RAB10: variants seen among roughly 807,000 people sequenced by gnomAD.
RAB10 encodes RAB10, member RAS oncogene family.
RAB10 carries 5 observed loss-of-function variants against 25.7 expected under a neutral mutation model. The ratio of observed to expected loss-of-function variants is 0.19; its 90% CI spans 0.10 to 0.41. RAB10 has a LOEUF of 0.41. Among genes scored for constraint, RAB10 ranks in the 10% least tolerant of loss-of-function variants. The probability of loss-of-function intolerance (pLI) is 1.00; values close to 1 mark genes in which losing one functional copy is unlikely to be tolerated. For missense variants in RAB10, 103 were observed against 245.8 expected (o/e 0.42, Z 3.89); for synonymous variants, 89 against 86.4 (o/e 1.03, Z -0.16).
chr2:26,135,008 G>T lies in RAB10; in HGVS notation c.590G>T (p.Ser197Ile), dbSNP rs1303605717. 29 of 1,612,676 alleles carry T rather than the reference G, an allele frequency of 1.8e-5. No individual in the cohort carries two copies. Among genetic ancestry groups the T allele is most frequent in the Non-Finnish European group, 2.5e-5 (29 of 1,178,970 alleles). Residue 197 changes from serine (S) to isoleucine (I), a missense_variant, in exon 6 of 6, where the codon AGC becomes ATC. This residue lies in a region of RAB10 where 24 missense variants were observed against 28.0 expected (regional missense o/e 0.86). Coordinates refer to ENST00000264710, the MANE Select transcript of RAB10 (RefSeq NM_016131.5). ...SSGGGVTGWK[S>I]KCC ...GGAGGAGGCGTGACAGGCTGGAAGA[G>T]CAAATGCTGCTGAGCATTCTCCTGT...
At chr2:26,131,680 G>C (rs1054922255) in intron 5 of RAB10, among the ~76,000 whole-genome samples, 24 of 151,678 alleles carry the variant, frequency 1.6e-4, no homozygotes, top group African/African-American at 5.6e-4. Flanking sequence ...TTACTCCCCA[G>C]GTAACTGATG....
chr2:26,128,613 T>TTGAGA (rs1559600420), intron 5 of RAB10, among the ~76,000 whole-genome samples: 1 of 151,612 alleles, frequency 6.6e-6, no homozygotes, highest in Non-Finnish European at 1.5e-5. Flanking sequence ...TTAGGAAATT[T>TTGAGA]TAAGAAATGA....
intron 1 of RAB10, among the ~76,000 whole-genome samples, chr2:26,084,634 C>T (rs1356844430): frequency 6.6e-6 from 1 of 152,076 alleles, no homozygotes; most frequent in Non-Finnish European, 1.5e-5. Context: ...GGAATTCATC[C>T]CTCAGCCTTG....
intron 1 of RAB10, among the ~76,000 whole-genome samples, chr2:26,052,103 C>T (rs1422938134): frequency 2.0e-5 from 3 of 150,072 alleles, no homozygotes; most frequent in African/African-American, 4.9e-5. Context: ...TGCAGCAAGA[C>T]GTGGTGACTT....
At chr2:26,116,832 A>G (rs1667699657) in intron 3 of RAB10, among the ~76,000 whole-genome samples, 1 of 150,708 alleles carries the variant, frequency 6.6e-6, no homozygotes, top group Non-Finnish European at 1.5e-5. Flanking sequence ...CTGGGATTAC[A>G]GGCGTGAGCC....
chr2:26,111,343 G>A (rs529106176), intron 3 of RAB10, among the ~76,000 whole-genome samples: 57 of 152,178 alleles, frequency 3.7e-4, no homozygotes, highest in African/African-American at 1.3e-3. Flanking sequence ...GGTGGCTCAC[G>A]CCTGTAATCC....
intron 1 of RAB10, among the ~76,000 whole-genome samples, chr2:26,039,184 T>A (rs1018391451): frequency 1.3e-4 from 19 of 151,958 alleles, no homozygotes; most frequent in African/African-American, 4.3e-4. Flanking sequence ...CATGCCCAAC[T>A]AATTTTTGAA....
intron 5 of RAB10, among the ~76,000 whole-genome samples, chr2:26,131,045 T>C (rs898020187): frequency 3.3e-5 from 5 of 151,614 alleles, no homozygotes; most frequent in African/African-American, 1.2e-4. Context: ...TTTTTTTTTT[T>C]TGAATAGTGC....
chr2:26,091,837 A>C lies in RAB10; in HGVS notation c.128-6825A>C, dbSNP rs577794226. ...AAAGGTAGGAGAGTCAGGAGTTTTC[A>C]TGCAAAAAAGAGTGAAGAATTCCTT... On this transcript the variant is annotated intron_variant, in intron 1 of 5. Transcript: ENST00000264710. Among the ~76,000 whole-genome samples the C allele has an allele frequency of 2.0e-5, 3 of 152,264 alleles. No homozygotes were observed. In the South Asian group the frequency reaches 6.3e-4, roughly 32 times the overall value.
chr2:26,124,972 G>A (rs1388921556), intron 3 of RAB10, among the ~76,000 whole-genome samples: 1 of 152,106 alleles, frequency 6.6e-6, no homozygotes, highest in Admixed American at 6.6e-5. Context: ...ATATTCCATT[G>A]TTTTTATATG....
At chr2:26,067,529 C>T (rs974654292) in intron 1 of RAB10, among the ~76,000 whole-genome samples, 6 of 152,114 alleles carry the variant, frequency 3.9e-5, no homozygotes, top group African/African-American at 1.2e-4. Context: ...TGGATGGGGG[C>T]AACAGCCTTG....
At chr2:26,125,768 A>ATTAT (rs1467557962) in intron 3 of RAB10, among the ~76,000 whole-genome samples, 1 of 151,956 alleles carries the variant, frequency 6.6e-6, no homozygotes, top group Admixed American at 6.6e-5. Flanking sequence ...TATTCTAGGT[A>ATTAT]TTATTCCCTT....
Position 26,130,971 on chromosome 2 carries a change from C to T in RAB10, c.519+3020C>T, listed in dbSNP as rs182501132. Among the ~76,000 whole-genome samples, 55 of 150,144 alleles carry T rather than the reference C, an allele frequency of 3.7e-4. No individual in the cohort carries two copies. The East Asian group carries it at 4.7e-3, about 13-fold the overall frequency. Reference sequence around the variant, plus strand: ...TTCTCTTTCTGGGCTTTTTGGTCTTCGTGGTTTCTGCTTACTTTCTGTCTA... The same window carrying T: ...TTCTCTTTCTGGGCTTTTTGGTCTTTGTGGTTTCTGCTTACTTTCTGTCTA... On this transcript the variant is annotated intron_variant, in intron 5 of 5. Coordinates refer to ENST00000264710, the MANE Select transcript of RAB10 (RefSeq NM_016131.5).
intron 1 of RAB10, among the ~76,000 whole-genome samples, chr2:26,089,608 C>T (rs1344753489): frequency 6.6e-6 from 1 of 152,182 alleles, no homozygotes; most frequent in Non-Finnish European, 1.5e-5. Context: ...ACAACAAATT[C>T]TTGCCCTGTA....
intron 1 of RAB10, among the ~76,000 whole-genome samples, chr2:26,076,190 A>G (rs983178684): frequency 3.0e-5 from 4 of 131,446 alleles, no homozygotes; most frequent in African/African-American, 5.6e-5. Flanking sequence ...GATAGAAATG[A>G]TAATACCCAC....
At chr2:26,067,387 T>C (rs1247439095) in intron 1 of RAB10, among the ~76,000 whole-genome samples, 3 of 152,226 alleles carry the variant, frequency 2.0e-5, no homozygotes, top group Non-Finnish European at 4.4e-5. Flanking sequence ...TTATACTGTA[T>C]CTGCATACTC....
At chr2:26,087,591 CG>C (rs1667014461) in intron 1 of RAB10, among the ~76,000 whole-genome samples, 1 of 152,236 alleles carries the variant, frequency 6.6e-6, no homozygotes, top group Non-Finnish European at 1.5e-5. Context: ...TTAGTAGAGA[CG>C]GGGTTTCACC....
At chr2:26,125,281 A>G (rs1307246428) in intron 3 of RAB10, among the ~76,000 whole-genome samples, 1 of 151,992 alleles carries the variant, frequency 6.6e-6, no homozygotes, top group Non-Finnish European at 1.5e-5. Context: ...TGTTTTTTTA[A>G]TAGTAGCCAT....
chr2:26,116,937 C>T lies in RAB10; in HGVS notation c.327+7031C>T, dbSNP rs562614298. ...GGCTGGTCTCAAATTCCTGAGTTAG[C>T]TGGACTTCAGGCATGTGCCACTGTG... On this transcript the variant is annotated intron_variant, in intron 3 of 5. Coordinates refer to ENST00000264710, the MANE Select transcript of RAB10 (RefSeq NM_016131.5). 4.3e-4 allele frequency among the ~76,000 whole-genome samples: 65 copies of T among 151,420 alleles called. 2 individuals are homozygous for T. The South Asian group carries it at 0.013, about 30-fold the overall frequency.
Sources: gnomAD v4.1 joint callset for allele counts (sites outside exome capture counted in the v4.1 genomes callset) on GRCh38, gnomAD v4.1.1 for gene constraint, gnomAD v4.1.1 regional missense constraint, MANE v1.5 for transcripts, NCBI Gene and HGNC (gene_info 2026-07-23, HGNC 2026-07-21) for gene names.